The following MAGI2 variants were observed in gnomAD, a reference collection of about 807,000 sequenced individuals.
The protein encoded by MAGI2 is membrane-associated guanylate kinase, WW and PDZ domain-containing protein 2.
In MAGI2, 35 loss-of-function variants were observed where a neutral mutation model predicts 133.3. The ratio of observed to expected loss-of-function variants is 0.26; its 90% CI spans 0.20 to 0.35. The LOEUF (loss-of-function observed/expected upper bound fraction) is 0.35, where lower values mean the gene tolerates loss of function less well. Ranked by LOEUF, MAGI2 falls within the 10% of genes least tolerant of loss-of-function variation. MAGI2 has a pLI of 1.00. For missense variants in MAGI2, 1,636 were observed against 1,863.4 expected (o/e 0.88, Z 2.25); for synonymous variants, 729 against 710.6 (o/e 1.03, Z -0.41).
At chr7:79,083,316 T>G (rs950743307) in intron 1 of MAGI2, among the ~76,000 whole-genome samples, 8 of 151,528 alleles carry the variant, frequency 5.3e-5, no homozygotes, top group African/African-American at 1.9e-4. Context: ...TTTTTTTTTT[T>G]TTTCATAGAT....
chr7:78,645,959 G>A (rs573417626), intron 2 of MAGI2, among the ~76,000 whole-genome samples: 3 of 152,188 alleles, frequency 2.0e-5, no homozygotes, highest in South Asian at 4.1e-4. Flanking sequence ...GGCTGGTCTC[G>A]AACCCCTGAC....
intron 2 of MAGI2, among the ~76,000 whole-genome samples, chr7:78,696,536 G>A (rs1817531398): frequency 1.3e-5 from 2 of 152,248 alleles, no homozygotes; most frequent in East Asian, 1.9e-4. Context: ...ATCCACAGAT[G>A]AAGGACAAAC....
intron 10 of MAGI2, among the ~76,000 whole-genome samples, chr7:78,237,880 CT>C (rs1464529469): frequency 2.0e-5 from 3 of 151,762 alleles, no homozygotes; most frequent in African/African-American, 7.3e-5. Context: ...CTAATATTGA[CT>C]TCTTGCCAAT....
At chr7:79,261,397 A>T (rs1253013408) in intron 1 of MAGI2, among the ~76,000 whole-genome samples, 1 of 152,226 alleles carries the variant, frequency 6.6e-6, no homozygotes, top group African/African-American at 2.4e-5. Context: ...ATTACAAAGG[A>T]TACCAAAATA....
intron 21 of MAGI2, among the ~76,000 whole-genome samples, chr7:78,040,640 C>G (rs1183196228): frequency 6.6e-6 from 1 of 152,104 alleles, no homozygotes. Context: ...TTCTGGGAAC[C>G]GCACCCGGGG....
chr7:79,373,438 C>T (rs1843181932), intron 1 of MAGI2, among the ~76,000 whole-genome samples: 1 of 151,908 alleles, frequency 6.6e-6, no homozygotes, highest in Admixed American at 6.6e-5. Flanking sequence ...AATTTAATAA[C>T]ATGTCTTCTG....
intron 3 of MAGI2, among the ~76,000 whole-genome samples, chr7:78,554,237 T>C (rs1474309000): frequency 1.3e-5 from 2 of 152,132 alleles, no homozygotes; most frequent in African/African-American, 2.4e-5. Context: ...ACAGCAAAGC[T>C]GTCTGTGAAG....
At chr7:78,526,568 T>G (rs757709101) in intron 3 of MAGI2, among the ~76,000 whole-genome samples, 12 of 152,228 alleles carry the variant, frequency 7.9e-5, no homozygotes, top group Non-Finnish European at 1.5e-4. Flanking sequence ...TAGTCTTCTT[T>G]GTAATCAATG....
intron 10 of MAGI2, among the ~76,000 whole-genome samples, chr7:78,232,935 C>T (rs955087): frequency 0.49 from 74,912 of 151,984 alleles, 19,854 homozygotes; most frequent in Non-Finnish European, 0.6. Context: ...TTCACTGCTA[C>T]ATTAAGGAGC....
chr7:78,255,376 A>C (rs1400617923), intron 10 of MAGI2: 1 of 164,766 alleles, frequency 6.1e-6, no homozygotes, highest in Non-Finnish European at 1.3e-5. Flanking sequence ...CAGTTCCTGT[A>C]GTAGCAGAAG....
At chr7:79,446,911 C>G (rs1848893821) in intron 1 of MAGI2, among the ~76,000 whole-genome samples, 1 of 151,914 alleles carries the variant, frequency 6.6e-6, no homozygotes, top group Non-Finnish European at 1.5e-5. Flanking sequence ...GAGATCACGC[C>G]ACTGCACTCC....
At chr7:79,046,708 G>A (rs1812212386) in intron 1 of MAGI2, among the ~76,000 whole-genome samples, 1 of 152,144 alleles carries the variant, frequency 6.6e-6, no homozygotes, top group Admixed American at 6.6e-5. Context: ...TTTTTCTACT[G>A]CATCATGCTG....
chr7:79,349,122 G>GT (rs770247288), intron 1 of MAGI2, among the ~76,000 whole-genome samples: 6 of 151,882 alleles, frequency 4.0e-5, no homozygotes, highest in Non-Finnish European at 8.8e-5. Flanking sequence ...TTTATAAAAC[G>GT]TAACAGTGTG....
At chr7:78,491,057 TTC>T (rs1425547833) in intron 5 of MAGI2, among the ~76,000 whole-genome samples, 2 of 152,134 alleles carry the variant, frequency 1.3e-5, no homozygotes, top group Non-Finnish European at 2.9e-5. Flanking sequence ...TTCACATGTA[TTC>T]TCTTTCTTTA....
In MAGI2 at chr7:79,036,812, C is replaced by T. The variant is rs563627517; in HGVS notation, c.302-29606G>A. ...CAAATCAATGAATGAATAAAATAAC[C>T]GCCAGAGGTAAATTTTAACATTGGT... On this transcript the variant is annotated intron_variant, in intron 1 of 21. Transcript: ENST00000354212. 3.5e-4 allele frequency among the ~76,000 whole-genome samples: 53 copies of T among 152,176 alleles called. No individual in the cohort carries two copies. In the South Asian group the frequency reaches 9.8e-3, roughly 28 times the overall value.
intron 1 of MAGI2, among the ~76,000 whole-genome samples, chr7:79,180,830 C>T (rs911696046): frequency 5.3e-5 from 8 of 151,932 alleles, no homozygotes; most frequent in Admixed American, 4.6e-4. Context: ...AAAGGGGGTA[C>T]AGGCATTGGG....
chr7:78,672,291 C>T (rs1163201729), intron 2 of MAGI2, among the ~76,000 whole-genome samples: 3 of 152,122 alleles, frequency 2.0e-5, no homozygotes, highest in Non-Finnish European at 2.9e-5. Flanking sequence ...CTTGCTCCCT[C>T]TCTTGCCATA....
At chr7:78,738,524 A>G (rs377141768) in intron 2 of MAGI2, among the ~76,000 whole-genome samples, 2 of 152,210 alleles carry the variant, frequency 1.3e-5, no homozygotes. Flanking sequence ...TTTGCTAACA[A>G]ATCATTAGTC....
rs113437537 is a variant in MAGI2, at chr7:78,168,158, C to CT, written c.2404-51dup. On this transcript the variant is annotated intron_variant, in intron 14 of 21. Transcript: ENST00000354212. ...GACATTCACATTTCAATCCTTTTTC[C>CT]TTTTTTTTTTTTTTCGAAACAGAGT... 0.15 allele frequency: 181,307 copies of CT among 1,224,914 alleles called. 269 individuals are homozygous for CT. The highest frequency in any genetic ancestry group is 0.17 in the Non-Finnish European group (149,205 of 888,988). The allele number at this position is 1,224,914 out of a possible 1,614,324, so 75.9% of individuals were successfully genotyped here.
Sources: gnomAD v4.1 joint callset for allele counts (sites outside exome capture counted in the v4.1 genomes callset) on GRCh38, gnomAD v4.1.1 for gene constraint, MANE v1.5 for transcripts, NCBI Gene and HGNC (gene_info 2026-07-23, HGNC 2026-07-21) for gene names.